The following CA1 variants were observed in gnomAD, a reference collection of about 807,000 sequenced individuals.
The protein encoded by CA1 is carbonic anhydrase 1.
CA1 carries 27 observed loss-of-function variants against 28.8 expected under a neutral mutation model. That is an observed-to-expected ratio of 0.94 (90% CI 0.69 to 1.29). The LOEUF is 1.29. Ranked by LOEUF, CA1 falls within the 50% of genes most tolerant of loss-of-function variation. The pLI is 0.00. For synonymous variants in CA1, 121 were observed against 108.8 expected (o/e 1.11, Z -0.70); for missense variants, 335 against 310.5 (o/e 1.08, Z -0.59).
intron 1 of CA1, among the ~76,000 whole-genome samples, chr8:85,366,957 T>G (rs1257140735): frequency 6.6e-6 from 1 of 152,170 alleles, no homozygotes; most frequent in East Asian, 1.9e-4. Flanking sequence ...TTACTTGATT[T>G]ACATCTGTAT....
At chr8:85,349,316 A>G (rs1259306006) in intron 1 of CA1, among the ~76,000 whole-genome samples, 1 of 152,252 alleles carries the variant, frequency 6.6e-6, no homozygotes. Flanking sequence ...GCTTTCACAG[A>G]TGAGAAAATT....
intron 1 of CA1, among the ~76,000 whole-genome samples, chr8:85,367,811 G>C (rs749608323): frequency 6.6e-6 from 1 of 152,178 alleles, no homozygotes; most frequent in African/African-American, 2.4e-5. Flanking sequence ...ATGTACACAA[G>C]TGATATCTGA....
intron 1 of CA1, among the ~76,000 whole-genome samples, chr8:85,375,605 C>T (rs1166002190): frequency 1.3e-5 from 2 of 151,646 alleles, no homozygotes; most frequent in Non-Finnish European, 2.9e-5. Context: ...AGAAACATCC[C>T]AAGGGAAGAT....
chr8:85,363,127 A>G (rs1386743897), intron 1 of CA1, among the ~76,000 whole-genome samples: 2 of 152,226 alleles, frequency 1.3e-5, no homozygotes, highest in Non-Finnish European at 2.9e-5. Context: ...TAAAGGGAAC[A>G]TGTTTCTTTC....
chr8:85,347,483 T>C (rs1358796911), intron 1 of CA1, among the ~76,000 whole-genome samples: 1 of 152,192 alleles, frequency 6.6e-6, no homozygotes, highest in Non-Finnish European at 1.5e-5. Context: ...ACATGTGTTA[T>C]AAACAAACAG....
chr8:85,333,925 A>T (rs1012591868), intron 4 of CA1, among the ~76,000 whole-genome samples: 1 of 152,238 alleles, frequency 6.6e-6, no homozygotes, highest in African/African-American at 2.4e-5. Flanking sequence ...AATATGACTA[A>T]CTAGTTTTTG....
intron 1 of CA1, among the ~76,000 whole-genome samples, chr8:85,348,306 A>G (rs572663699): frequency 3.1e-4 from 47 of 152,288 alleles, no homozygotes; most frequent in African/African-American, 8.2e-4. Context: ...TGCTAAATAC[A>G]GGGTGGTGAC....
chr8:85,357,500 A>G (rs1417518600), intron 1 of CA1, among the ~76,000 whole-genome samples: 1 of 152,232 alleles, frequency 6.6e-6, no homozygotes, highest in African/African-American at 2.4e-5. Flanking sequence ...GTTACCTGGT[A>G]CTTACAGTAT....
At chr8:85,371,858 G>T (rs74367484) in intron 1 of CA1, among the ~76,000 whole-genome samples, 5,845 of 152,068 alleles carry the variant, frequency 0.038, 179 homozygotes, top group Non-Finnish European at 0.063. Context: ...ATGCATTGTG[G>T]CTAAAAGAAT....
chr8:85,335,692 T>A (rs1808624676), intron 4 of CA1, among the ~76,000 whole-genome samples: 1 of 152,150 alleles, frequency 6.6e-6, no homozygotes. Context: ...GATGAGAGAG[T>A]CACTAATTTA....
In CA1 at chr8:85,339,687, G is replaced by A. The variant is rs544403324; in HGVS notation, c.38-1238C>T. On this transcript the variant is annotated intron_variant, in intron 2 of 7. Transcript: ENST00000523022. The stretch of plus-strand genomic sequence containing the variant: ...ACCTCTTGTGCCAGTTAGTCAAGCC[G>A]TGAATGCAAAAGAAAAGTTCTTGGA... Among the ~76,000 whole-genome samples, 37 of 152,168 alleles carry A rather than the reference G, an allele frequency of 2.4e-4. 1 individual carries two copies. Among genetic ancestry groups the A allele is most frequent in the Non-Finnish European group, 4.1e-4 (28 of 68,030 alleles).
chr8:85,362,713 C>A (rs1421066815), intron 1 of CA1, among the ~76,000 whole-genome samples: 3 of 152,110 alleles, frequency 2.0e-5, no homozygotes, highest in Non-Finnish European at 4.4e-5. Flanking sequence ...CGAATAGTTT[C>A]ATTACTAAAG....
chr8:85,373,042 G>A (rs1221608744), intron 1 of CA1, among the ~76,000 whole-genome samples: 1 of 152,144 alleles, frequency 6.6e-6, no homozygotes, highest in Non-Finnish European at 1.5e-5. Context: ...GCTTAATAAG[G>A]AGAGGAAAAA....
intron 6 of CA1, among the ~76,000 whole-genome samples, chr8:85,330,803 A>C (rs1192338849): frequency 1.3e-5 from 2 of 152,150 alleles, no homozygotes; most frequent in Non-Finnish European, 2.9e-5. Flanking sequence ...TTTTGGGATA[A>C]ACTCTACTAG....
chr8:85,329,640 G>GT (rs746812241), intron 7 of CA1, 49 bp downstream of exon 7: 67 of 1,483,232 alleles, frequency 4.5e-5, no homozygotes, highest in Non-Finnish European at 6.3e-5. Flanking sequence ...ATCAATTAAA[G>GT]TAATATTCCT....
chr8:85,353,317 G>A (rs987800563), intron 1 of CA1, among the ~76,000 whole-genome samples: 4 of 152,078 alleles, frequency 2.6e-5, no homozygotes, highest in Non-Finnish European at 5.9e-5. Flanking sequence ...TTTGTTGGAC[G>A]GGTACTATGT....
At chr8:85,365,436 G>A (rs947813713) in intron 1 of CA1, among the ~76,000 whole-genome samples, 10 of 152,144 alleles carry the variant, frequency 6.6e-5, no homozygotes, top group African/African-American at 2.4e-4. Flanking sequence ...TGCTTGGCTG[G>A]ACAGAGCCTC....
intron 1 of CA1, among the ~76,000 whole-genome samples, chr8:85,367,443 A>G (rs1272814602): frequency 6.6e-6 from 1 of 152,236 alleles, no homozygotes; most frequent in Non-Finnish European, 1.5e-5. Flanking sequence ...ACTCTGTGGC[A>G]TAAGAGAAAA....
At chr8:85,344,017 T>C (rs372386699) in intron 1 of CA1, among the ~76,000 whole-genome samples, 183 of 149,002 alleles carry the variant, frequency 1.2e-3, no homozygotes, top group African/African-American at 4.0e-3. Context: ...GGATGATCTT[T>C]GGGTTACTTT....
Sources: gnomAD v4.1 joint callset for allele counts (sites outside exome capture counted in the v4.1 genomes callset) on GRCh38, gnomAD v4.1.1 for gene constraint, MANE v1.5 for transcripts, NCBI Gene and HGNC (gene_info 2026-07-23, HGNC 2026-07-21) for gene names.